The following LASP1 variants were observed in gnomAD, a reference collection of about 807,000 sequenced individuals.
The protein encoded by LASP1 is LIM and SH3 protein 1, also known as LIM and SH3 domain protein 1.
LASP1 carries 10 observed loss-of-function variants against 38.6 expected under a neutral mutation model. The observed-to-expected ratio is 0.26, with a 90% CI of 0.16 to 0.44. LASP1 has a LOEUF of 0.44. LASP1 is among the 20% of genes least tolerant of loss of function. The pLI is 1.00. For missense variants in LASP1, 243 were observed against 375.7 expected, an observed-to-expected ratio of 0.65 and a Z score of 2.92; for synonymous variants, 132 against 140.8, an observed-to-expected ratio of 0.94 and a Z score of 0.44.
intron 4 of LASP1, chr17:38,904,750 C>A (rs1424753199): frequency 6.6e-6 from 1 of 152,164 alleles, no homozygotes; most frequent in Non-Finnish European, 1.5e-5. Context: ...AAATGCTTTG[C>A]ATCTCAGTTG....
intron 4 of LASP1, among the ~76,000 whole-genome samples, chr17:38,901,226 G>A (rs1054949901): frequency 2.6e-5 from 4 of 152,134 alleles, no homozygotes; most frequent in African/African-American, 9.7e-5. Context: ...TCCACACTCA[G>A]CCTAAGCCAC....
chr17:38,895,979 G>A (rs923616580), intron 3 of LASP1, among the ~76,000 whole-genome samples: 1 of 152,108 alleles, frequency 6.6e-6, no homozygotes, highest in Non-Finnish European at 1.5e-5. Flanking sequence ...TCCTCTGACC[G>A]AAGCGCTGAG....
intron 4 of LASP1, among the ~76,000 whole-genome samples, chr17:38,912,102 C>T (rs1254418018): frequency 3.9e-5 from 6 of 152,156 alleles, no homozygotes; most frequent in Non-Finnish European, 5.9e-5. Flanking sequence ...CCTCACCACC[C>T]GCCTTTCTTG....
intron 1 of LASP1, among the ~76,000 whole-genome samples, chr17:38,876,072 G>T (rs926527157): frequency 2.0e-5 from 3 of 151,980 alleles, no homozygotes; most frequent in African/African-American, 7.2e-5. Context: ...TTCTGGGGGT[G>T]AATTTAGATC....
intron 1 of LASP1, among the ~76,000 whole-genome samples, chr17:38,876,048 A>C (rs226217): frequency 6.6e-6 from 1 of 151,924 alleles, no homozygotes; most frequent in Admixed American, 6.6e-5. Flanking sequence ...GTGATCCAGC[A>C]CATCATCCTG....
intron 4 of LASP1, among the ~76,000 whole-genome samples, chr17:38,906,199 A>G (rs145186469): frequency 6.6e-6 from 1 of 152,228 alleles, no homozygotes. Flanking sequence ...TGGTTTCCCT[A>G]TCTGTAAAAT....
intron 3 of LASP1, among the ~76,000 whole-genome samples, chr17:38,891,693 A>G (rs1169018944): frequency 6.6e-6 from 1 of 152,182 alleles, no homozygotes; most frequent in African/African-American, 2.4e-5. Flanking sequence ...GGAAATAGAC[A>G]CTGGCAGCTT....
chr17:38,896,526 C>T (rs1044643109), intron 3 of LASP1, among the ~76,000 whole-genome samples: 5 of 152,238 alleles, frequency 3.3e-5, no homozygotes, highest in African/African-American at 1.2e-4. Context: ...GATGTCATTG[C>T]AGCGTCGCCA....
At chr17:38,910,399 T>C (rs1483967151) in intron 4 of LASP1, among the ~76,000 whole-genome samples, 1 of 152,192 alleles carries the variant, frequency 6.6e-6, no homozygotes, top group Non-Finnish European at 1.5e-5. Context: ...GAAATTTGAA[T>C]TTCAGAGAAA....
At chr17:38,891,212 G>A (rs926122680) in intron 3 of LASP1, among the ~76,000 whole-genome samples, 2 of 151,944 alleles carry the variant, frequency 1.3e-5, no homozygotes, top group African/African-American at 2.4e-5. Flanking sequence ...GTGGGGTGGG[G>A]CGGGGCTTCA....
rs1453838232 is a variant in LASP1 at position 38,920,222 on chromosome 17, A to G, written c.*1444A>G. 2.1e-6 allele frequency: 1 copy of G among 479,894 alleles called. No individual in the cohort carries two copies. The allele number at this position is 479,894 out of a possible 1,614,324, so 29.7% of individuals were successfully genotyped here. On this transcript the variant is annotated 3_prime_UTR_variant, in exon 7 of 7. Coordinates refer to ENST00000318008, the MANE Select transcript of LASP1 (RefSeq NM_006148.4). The stretch of plus-strand genomic sequence containing the variant: ...TGTCACTCCAGGCATATGTTTCCCC[A>G]TCTCTGTCTGGGGCTACAGAATAGG...
Position 38,870,195 on chromosome 17 carries a change from C to T in LASP1, c.6C>T (p.Asn2=). Residue 2 remains asparagine, a synonymous_variant, in exon 1 of 7, where the codon AAC becomes AAT. Coordinates refer to ENST00000318008, the MANE Select transcript of LASP1 (RefSeq NM_006148.4). M[N]PNCARCGKIV... ...CCCCAGCTTTTCTCGGAACCATGAA[C>T]CCCAACTGCGCCCGGTGCGGCAAGA... 1 of 1,613,856 alleles carries T rather than the reference C, an allele frequency of 6.2e-7. No individual in the cohort carries two copies. Among genetic ancestry groups the T allele is most frequent in the Non-Finnish European group, 8.5e-7 (1 of 1,179,874 alleles).
intron 4 of LASP1, among the ~76,000 whole-genome samples, chr17:38,902,242 G>A (rs151011379): frequency 5.4e-4 from 82 of 151,236 alleles, no homozygotes; most frequent in African/African-American, 1.8e-3. Flanking sequence ...TCTTTTTTTT[G>A]CAGAGACACT....
chr17:38,919,091 C>G lies in LASP1; in HGVS notation c.*313C>G, dbSNP rs1915223713. The stretch of plus-strand genomic sequence containing the variant: ...TGGGCCTCACCTGCCCCTCTGTTCT[C>G]TCCCCTCACATCCTCCTGCCCAGCT... On this transcript the variant is annotated 3_prime_UTR_variant, in exon 7 of 7. Transcript: ENST00000318008. The G allele has an allele frequency of 4.8e-6, 2 of 414,990 alleles. No individual in the cohort carries two copies. Among genetic ancestry groups the G allele is most frequent in the Non-Finnish European group, 8.9e-6 (2 of 225,944 alleles). 25.7% of individuals were successfully genotyped at this position (414,990 alleles called of 1,614,324 possible).
intron 2 of LASP1, among the ~76,000 whole-genome samples, chr17:38,887,221 C>T (rs1222868803): frequency 1.3e-5 from 2 of 152,282 alleles, no homozygotes; most frequent in East Asian, 3.9e-4. Flanking sequence ...CTCCCCCACC[C>T]TGCTTTTGCC....
intron 3 of LASP1, among the ~76,000 whole-genome samples, chr17:38,897,997 T>C (rs566714601): frequency 2.4e-4 from 37 of 152,118 alleles, no homozygotes; most frequent in East Asian, 1.7e-3. Flanking sequence ...GAGTGAAGGG[T>C]CAAGAGTCAG....
chr17:38,902,312 C>T (rs1914662722), intron 4 of LASP1, among the ~76,000 whole-genome samples: 1 of 151,482 alleles, frequency 6.6e-6, no homozygotes, highest in Non-Finnish European at 1.5e-5. Flanking sequence ...CCTCCCGCCT[C>T]AGCCTCCTAA....
At chr17:38,889,489 A>G (rs1389338386) in intron 2 of LASP1, among the ~76,000 whole-genome samples, 1 of 152,150 alleles carries the variant, frequency 6.6e-6, no homozygotes, top group Non-Finnish European at 1.5e-5. Flanking sequence ...GAGTCTGAAG[A>G]GCTCCAAGAT....
chr17:38,905,610 T>G (rs149881376), intron 4 of LASP1, among the ~76,000 whole-genome samples: 46 of 152,162 alleles, frequency 3.0e-4, no homozygotes, highest in Non-Finnish European at 6.5e-4. Flanking sequence ...CTGCACTGAT[T>G]TACCCTCCCA....
Sources: gnomAD v4.1 joint callset for allele counts (sites outside exome capture counted in the v4.1 genomes callset) on GRCh38, gnomAD v4.1.1 for gene constraint, MANE v1.5 for transcripts, NCBI Gene and HGNC (gene_info 2026-07-23, HGNC 2026-07-21) for gene names.